The following CTBP1 variants were observed in gnomAD, a reference collection of about 807,000 sequenced individuals.
CTBP1 encodes C-terminal binding protein 1.
Under a neutral mutation model 42.1 loss-of-function variants are expected in CTBP1, and 11 were observed. The observed-to-expected ratio is 0.26, with a 90% CI of 0.16 to 0.43. The LOEUF (loss-of-function observed/expected upper bound fraction) is 0.43, where lower values mean the gene tolerates loss of function less well. CTBP1 is among the 20% of genes least tolerant of loss of function. The pLI is 1.00. For synonymous variants in CTBP1, 324 were observed against 277.1 expected (o/e 1.17, Z -1.68); for missense variants, 399 against 624.3 (o/e 0.64, Z 3.85).
chr4:1,214,316 G>A (rs1282001333), intron 7 of CTBP1, 27 bp downstream of exon 7: 2 of 1,527,262 alleles, frequency 1.3e-6, no homozygotes, highest in Non-Finnish European at 1.7e-6. Context: ...GGGAAGAGCA[G>A]GGGGGCGGCA....
chr4:1,230,068 C>G (rs570693230), intron 3 of CTBP1, among the ~76,000 whole-genome samples: 1 of 152,232 alleles, frequency 6.6e-6, no homozygotes, highest in South Asian at 2.1e-4. Flanking sequence ...TGATGGCTGC[C>G]CCGGGCCTCC....
chr4:1,244,306 G>A, intron 1 of CTBP1: 1 of 984,954 alleles, frequency 1.0e-6, no homozygotes, highest in Non-Finnish European at 1.2e-6. Flanking sequence ...GGTCACCATG[G>A]GCTGGGACCT....
At chr4:1,243,151 C>T (rs1045561405) in intron 1 of CTBP1, 12 of 985,344 alleles carry the variant, frequency 1.2e-5, no homozygotes, top group African/African-American at 3.5e-5. Context: ...CTCAATACTG[C>T]CCACAGCAGC....
intron 1 of CTBP1, chr4:1,245,260 A>C (rs1732599163): frequency 1.0e-6 from 1 of 985,396 alleles, no homozygotes; most frequent in Non-Finnish European, 1.2e-6. Flanking sequence ...GCTGTGATCA[A>C]AGGCATGGAT....
intron 1 of CTBP1, chr4:1,243,280 A>G (rs1199629486): frequency 3.0e-5 from 30 of 985,290 alleles, no homozygotes; most frequent in Non-Finnish European, 3.6e-5. Context: ...AGATGTGTGA[A>G]GGCCACCCTG....
chr4:1,239,175 G>A (rs1486906647), intron 2 of CTBP1, among the ~76,000 whole-genome samples: 1 of 152,212 alleles, frequency 6.6e-6, no homozygotes, highest in Non-Finnish European at 1.5e-5. Flanking sequence ...ACGCAACTAA[G>A]CCTCATCGGG....
chr4:1,221,871 G>T (rs147059070), intron 5 of CTBP1: 1 of 415,518 alleles, frequency 2.4e-6, no homozygotes, highest in Non-Finnish European at 4.8e-6. Context: ...AAGGAAGGAA[G>T]GAAGGGAAGG....
At chr4:1,234,024 C>T (rs1211062371) in intron 3 of CTBP1, among the ~76,000 whole-genome samples, 2 of 152,248 alleles carry the variant, frequency 1.3e-5, no homozygotes, top group Non-Finnish European at 2.9e-5. Context: ...ACCCCGGGTT[C>T]CAGCCAGCAG....
intron 4 of CTBP1, among the ~76,000 whole-genome samples, chr4:1,226,178 C>T (rs1400455669): frequency 6.6e-6 from 1 of 152,156 alleles, no homozygotes; most frequent in Non-Finnish European, 1.5e-5. Context: ...CCCTACTCCC[C>T]GCTCCCGGCC....
At chr4:1,226,275 G>A (rs1560250966) in intron 4 of CTBP1, among the ~76,000 whole-genome samples, 1 of 151,974 alleles carries the variant, frequency 6.6e-6, no homozygotes, top group South Asian at 2.1e-4. Context: ...GGCCAGGGCC[G>A]CCCCTGCACG....
At chr4:1,244,657 C>T in intron 1 of CTBP1, 2 of 985,436 alleles carry the variant, frequency 2.0e-6, no homozygotes, top group South Asian at 4.7e-5. Flanking sequence ...GCTCCCCGAC[C>T]ACCAGAAGGG....
chr4:1,241,693 G>C, intron 1 of CTBP1, 174 bp from the exon 2 acceptor site: 1 of 1,254,052 alleles, frequency 8.0e-7, no homozygotes, highest in Non-Finnish European at 1.0e-6. Flanking sequence ...CCCGGCTCCT[G>C]CCGCACACAC....
intron 2 of CTBP1, among the ~76,000 whole-genome samples, chr4:1,239,234 T>C (rs1577070382): frequency 6.6e-6 from 1 of 152,276 alleles, no homozygotes; most frequent in East Asian, 1.9e-4. Context: ...GCATGGCAGC[T>C]TCCAGGCACC....
Position 1,214,393 on chromosome 4 carries a change from C to T in CTBP1, c.810G>A (p.Glu270=), listed in dbSNP as rs191636284. Residue 270 remains glutamate (E), a synonymous_variant, in exon 7 of 10, where the codon GAG becomes GAA. Coordinates refer to ENST00000382952, the MANE Select transcript of CTBP1 (RefSeq NM_001012614.2). ...CCAGGGCCGCGCCGCGGATCCGGCC[C>T]TCCTTCAGGGCCTGGGCCAGCGCCT... The part of the protein sequence containing the change: ...DEKALAQALK[E]GRIRGAALDV... The T allele has an allele frequency of 6.4e-7, 1 of 1,565,736 alleles. No individual in the cohort carries two copies. The highest frequency in any genetic ancestry group is 2.4e-5 in the East Asian group (1 of 41,594).
At chr4:1,237,079 C>A (rs1731596053) in intron 3 of CTBP1, 1 of 673,640 alleles carries the variant, frequency 1.5e-6, no homozygotes. Flanking sequence ...CAGGGAAAAC[C>A]CCGTGTCCAC....
At chr4:1,242,828 C>T in intron 1 of CTBP1, 1 of 985,450 alleles carries the variant, frequency 1.0e-6, no homozygotes, top group Non-Finnish European at 1.2e-6. Context: ...GAGAAAACCG[C>T]CTAAATGTCA....
chr4:1,216,229 G>A (rs897989461), intron 5 of CTBP1, 24 bp from the exon 6 acceptor site: 13 of 1,597,690 alleles, frequency 8.1e-6, no homozygotes, highest in African/African-American at 2.7e-5. Context: ...GACACAGTGT[G>A]AGACCCTTGC....
At chr4:1,224,538 G>T (rs944981594) in intron 5 of CTBP1, among the ~76,000 whole-genome samples, 1 of 150,436 alleles carries the variant, frequency 6.6e-6, no homozygotes, top group African/African-American at 2.5e-5. Flanking sequence ...TGACATCCGT[G>T]CAGGCCCGTG....
chr4:1,228,549 A>T (rs1282672053), intron 3 of CTBP1, among the ~76,000 whole-genome samples: 1 of 152,182 alleles, frequency 6.6e-6, no homozygotes, highest in Non-Finnish European at 1.5e-5. Context: ...CCTGAGTCCC[A>T]GCAATTCCCA....
Sources: allele counts gnomAD v4.1 joint callset (sites outside exome capture counted in the v4.1 genomes callset), GRCh38; gene constraint gnomAD v4.1.1; transcripts MANE v1.5; gene names NCBI Gene and HGNC (gene_info 2026-07-23, HGNC 2026-07-21).